ZNF268: variants seen among roughly 807,000 people sequenced by gnomAD.
ZNF268 encodes zinc finger protein 268.
A neutral mutation model predicts 29.3 loss-of-function variants in ZNF268; 20 were observed. The ratio of observed to expected loss-of-function variants is 0.68; its 90% CI spans 0.48 to 0.99. ZNF268 has a LOEUF of 0.99. Among genes scored for constraint, ZNF268 ranks in the 50% least tolerant of loss-of-function variants. The pLI, the probability that ZNF268 is intolerant of heterozygous loss-of-function variation, is 0.00. For synonymous variants in ZNF268, 429 were observed against 376.9 expected (o/e 1.14, Z -1.60); for missense variants, 1,240 against 1,121.6 (o/e 1.11, Z -1.51).
Position 133,211,900 on chromosome 12 carries a change from G to C in ZNF268, c.*7370G>C, listed in dbSNP as rs1436689549. On this transcript the variant is annotated 3_prime_UTR_variant, in exon 6 of 6. Transcript: ENST00000536435. ...AACTGCTTTGAAAACATAGGAGTTT[G>C]ATCTAAACAAAACCCAGCATGTACT... 6.6e-6 allele frequency: 1 copy of C among 152,176 alleles called. No individual in the cohort carries two copies. Among genetic ancestry groups the C allele is most frequent in the African/African-American group, 2.4e-5 (1 of 41,440 alleles). The allele number at this position is 152,176 out of a possible 1,614,324, so 9.4% of individuals were successfully genotyped here. A position where few individuals can be genotyped will look rare whatever the true frequency, so the allele number is the denominator to read the frequency against.
In ZNF268 at chr12:133,213,945, C is replaced by T. The variant is rs1185111309; in HGVS notation, c.*9415C>T. Reference sequence around the variant, plus strand: ...ACCTGGAACCAGTGAGCCCAGATCTCACCACTGCACTCCAGCCTGGGCGAC... The same window carrying T: ...ACCTGGAACCAGTGAGCCCAGATCTTACCACTGCACTCCAGCCTGGGCGAC... On this transcript the variant is annotated 3_prime_UTR_variant, in exon 6 of 6. Coordinates refer to ENST00000536435, the MANE Select transcript of ZNF268 (RefSeq NM_003415.3). The T allele has an allele frequency of 1.3e-5, 2 of 151,610 alleles. No homozygotes were observed. Among genetic ancestry groups the T allele is most frequent in the African/African-American group, 4.9e-5 (2 of 41,224 alleles). 9.4% of individuals were successfully genotyped at this position (151,610 alleles called of 1,614,324 possible).
chr12:133,190,994 C>T (rs537484800), intron 3 of ZNF268, among the ~76,000 whole-genome samples: 1 of 152,128 alleles, frequency 6.6e-6, no homozygotes, highest in African/African-American at 2.4e-5. Context: ...TCTGAGCACT[C>T]TTGTATAGGT....
In ZNF268 at chr12:133,214,264, A is replaced by C. The variant is rs1957025264; in HGVS notation, c.*9734A>C. 1 of 152,224 alleles carries C rather than the reference A, an allele frequency of 6.6e-6. No individual in the cohort carries two copies. Among genetic ancestry groups the C allele is most frequent in the African/African-American group, 2.4e-5 (1 of 41,458 alleles). 9.4% of individuals were successfully genotyped at this position (152,224 alleles called of 1,614,324 possible). ...CCCATCAGAATGTCTTATTATTTTA[A>C]AAACAAACCAGAAACAAGTATTGAC... On this transcript the variant is annotated 3_prime_UTR_variant, in exon 6 of 6. Transcript: ENST00000536435.
At chr12:133,199,294 CAT>C (rs1176015166) in intron 5 of ZNF268, among the ~76,000 whole-genome samples, 1 of 152,084 alleles carries the variant, frequency 6.6e-6, no homozygotes, top group Non-Finnish European at 1.5e-5. Context: ...TTGAGATAAT[CAT>C]GTGGTTTTTG....
At chr12:133,193,610 A>G (rs540131525) in intron 5 of ZNF268, 37 of 539,050 alleles carry the variant, frequency 6.9e-5, no homozygotes, top group African/African-American at 5.9e-4. Context: ...AGAAACGACT[A>G]ATCCATTCAT....
chr12:133,187,618 A>G (rs896586452), intron 2 of ZNF268, among the ~76,000 whole-genome samples: 13 of 152,078 alleles, frequency 8.5e-5, no homozygotes, highest in Non-Finnish European at 1.6e-4. Flanking sequence ...GAGCCAGGAC[A>G]GTTTTCTCTA....
In ZNF268 at chr12:133,181,951, C is replaced by G. The variant is rs373661321; in HGVS notation, c.-47C>G. 3.9e-6 allele frequency: 6 copies of G among 1,552,210 alleles called. No individual in the cohort carries two copies. In the African/African-American group the frequency reaches 6.8e-5, roughly 18 times the overall value. On this transcript the variant is annotated 5_prime_UTR_variant, in exon 2 of 6. Transcript: ENST00000536435. The stretch of plus-strand genomic sequence containing the variant: ...CACTGTGCTCTCTCTTCTAGCATCC[C>G]TCGCGTCCTGTCACTTCCAGCGAGG...
chr12:133,199,919 TC>T (rs1245164425), intron 5 of ZNF268, among the ~76,000 whole-genome samples: 4 of 152,118 alleles, frequency 2.6e-5, no homozygotes, highest in Non-Finnish European at 5.9e-5. Flanking sequence ...ATTTTATTCT[TC>T]TCTTTTTATT....
rs576619953 is a variant in ZNF268 at position 133,202,792 on chromosome 12, T to A, written c.1106T>A (p.Phe369Tyr). 7.5e-6 allele frequency: 12 copies of A among 1,609,344 alleles called. No homozygotes were observed. The South Asian group carries it at 1.2e-4, about 16-fold the overall frequency. The change falls in exon 6 of 6, where the codon TTC becomes TAC. Residue 369 changes from phenylalanine to tyrosine, a missense_variant. Coordinates refer to ENST00000536435, the MANE Select transcript of ZNF268 (RefSeq NM_003415.3). ...GAGTGCTGTGAATGTGGGAAAGTCTTCAGTAGGAAAGACCAGCTTGTTTCA... is the reference window on the plus strand; with the variant it reads ...GAGTGCTGTGAATGTGGGAAAGTCTACAGTAGGAAAGACCAGCTTGTTTCA... ...PYECCECGKV[F>Y]SRKDQLVSHQ...
In ZNF268 at chr12:133,212,506, T is replaced by C. The variant is rs375397031; in HGVS notation, c.*7976T>C. 825 of 41,928 alleles carry C rather than the reference T, an allele frequency of 0.02. 10 individuals are homozygous for C. Among genetic ancestry groups the C allele is most frequent in the African/African-American group, 0.05 (724 of 14,352 alleles). The allele number at this position is 41,928 out of a possible 1,614,324, so 2.6% of individuals were successfully genotyped here. ...ATATATATATATATATATGTATATA[T>C]ACACACACACATACACACATATATA... On this transcript the variant is annotated 3_prime_UTR_variant, in exon 6 of 6. Coordinates refer to ENST00000536435, the MANE Select transcript of ZNF268 (RefSeq NM_003415.3).
chr12:133,200,871 T>C (rs1435556680), intron 5 of ZNF268, among the ~76,000 whole-genome samples: 1 of 152,098 alleles, frequency 6.6e-6, no homozygotes, highest in Non-Finnish European at 1.5e-5. Context: ...TTGCTCAGTA[T>C]AGAAAGGTAA....
At position 133,205,465 on chromosome 12, in the gene ZNF268, C is replaced by T. The variant is rs904139521; in HGVS notation, c.*935C>T. 1.3e-5 allele frequency: 2 copies of T among 152,040 alleles called. No individual in the cohort carries two copies. Among genetic ancestry groups the T allele is most frequent in the East Asian group, 1.9e-4 (1 of 5,186 alleles). The allele number at this position is 152,040 out of a possible 1,614,324, so 9.4% of individuals were successfully genotyped here. A position where few individuals can be genotyped will look rare whatever the true frequency, so the allele number is the denominator to read the frequency against. On this transcript the variant is annotated 3_prime_UTR_variant, in exon 6 of 6. Transcript: ENST00000536435. ...TTACTTGCGAATGCCATATGTGAGA[C>T]AAAAATCATCTTCCAGAGATTTCAG...
chr12:133,202,411 CTG>C lies in ZNF268; in HGVS notation c.727_728del (p.Val243TyrfsTer7), dbSNP rs1180108716. On this transcript the variant is annotated frameshift_variant, in exon 6 of 6. Coordinates refer to ENST00000536435, the MANE Select transcript of ZNF268 (RefSeq NM_003415.3). LOFTEE classifies it low-confidence loss of function (END_TRUNC). Reference sequence around the variant, plus strand: ...TTCTTCCATTCTAAACATGAGCAAACTGTTATTGGAATAAAATACTGTGAAAG... The same window carrying C: ...TTCTTCCATTCTAAACATGAGCAAACTTATTGGAATAAAATACTGTGAAAG... 1 of 1,610,838 alleles carries C rather than the reference CTG, an allele frequency of 6.2e-7. No individual in the cohort carries two copies. The highest frequency in any genetic ancestry group is 1.3e-5 in the African/African-American group (1 of 74,828).
chr12:133,189,940 T>C (rs1200153184), intron 3 of ZNF268, among the ~76,000 whole-genome samples: 1 of 152,188 alleles, frequency 6.6e-6, no homozygotes, highest in Non-Finnish European at 1.5e-5. Flanking sequence ...CCTGAGCAGC[T>C]AGGACTACAG....
rs527865564 is a variant in ZNF268, at chr12:133,187,979, A to G, written c.141A>G (p.Gly47=). 7.6e-5 allele frequency: 121 copies of G among 1,599,288 alleles called. 1 individual carries two copies. In the South Asian group the frequency reaches 1.3e-3, roughly 17 times the overall value. Residue 47 remains glycine (G), a synonymous_variant, in exon 3 of 6, where the codon GGA becomes GGG. Transcript: ENST00000536435. ...CTCCTGGTCTGCAACCTCTCCCTGG[A>G]ACACCCAGGCAGAAGCAGAAGAGTC... ...QGTPGLQPLP[G]TPRQKQKSRR... is the part of the protein sequence containing the mutation.
chr12:133,190,315 C>T (rs577362249), intron 3 of ZNF268, among the ~76,000 whole-genome samples: 1 of 152,248 alleles, frequency 6.6e-6, no homozygotes, highest in African/African-American at 2.4e-5. Flanking sequence ...TGTATAAATA[C>T]CTGGGGCATA....
chr12:133,205,069 A>C lies in ZNF268; in HGVS notation c.*539A>C, dbSNP rs1049008811. ...AGAAACCCCTAGGGAAAAAATATAT[A>C]TAGGAGTGAACATCTTATGAATGTA... is the stretch of plus-strand genomic sequence containing the variant. On this transcript the variant is annotated 3_prime_UTR_variant, in exon 6 of 6. Transcript: ENST00000536435. The C allele has an allele frequency of 6.7e-6, 1 of 148,630 alleles. No homozygotes were observed. Among genetic ancestry groups the C allele is most frequent in the Admixed American group, 6.8e-5 (1 of 14,710 alleles). The allele number at this position is 148,630 out of a possible 1,614,324, so 9.2% of individuals were successfully genotyped here. A position where few individuals can be genotyped will look rare whatever the true frequency, so the allele number is the denominator to read the frequency against.
chr12:133,203,597 GAA>G lies in ZNF268; in HGVS notation c.1913_1914del (p.Lys638ThrfsTer3). On this transcript the variant is annotated frameshift_variant, in exon 6 of 6. Coordinates refer to ENST00000536435, the MANE Select transcript of ZNF268 (RefSeq NM_003415.3). LOFTEE classifies it low-confidence loss of function (END_TRUNC). The stretch of plus-strand genomic sequence containing the variant: ...TACATCAGAGAACTCATACAGGAGA[GAA>G]ACCCTATAGTTGTAATGAATGTGGA... ...IVHQRTHTGE[K>X]PYSCNECGKA... 2 of 1,570,052 alleles carry G rather than the reference GAA, an allele frequency of 1.3e-6. No homozygotes were observed. The highest frequency in any genetic ancestry group is 8.6e-7 in the Non-Finnish European group (1 of 1,161,038).
rs1296718730 is a variant in ZNF268 at position 133,206,723 on chromosome 12, T to C, written c.*2193T>C. ...ATGATACCTGAATGCCTAACTGTTG[T>C]ATTCTGCTTATACAGAATCCAATCT... is the stretch of plus-strand genomic sequence containing the variant. On this transcript the variant is annotated 3_prime_UTR_variant, in exon 6 of 6. Coordinates refer to ENST00000536435, the MANE Select transcript of ZNF268 (RefSeq NM_003415.3). 3.9e-5 allele frequency: 6 copies of C among 152,254 alleles called. No homozygotes were observed. Among genetic ancestry groups the C allele is most frequent in the African/African-American group, 1.4e-4 (6 of 41,464 alleles). The allele number at this position is 152,254 out of a possible 1,614,324, so 9.4% of individuals were successfully genotyped here.
Sources: allele counts gnomAD v4.1 joint callset (sites outside exome capture counted in the v4.1 genomes callset), GRCh38; gene constraint gnomAD v4.1.1; transcripts MANE v1.5; gene names NCBI Gene and HGNC (gene_info 2026-07-23, HGNC 2026-07-21).